The following SGCG variants were observed in gnomAD, a reference collection of about 807,000 sequenced individuals.
SGCG encodes gamma-sarcoglycan.
SGCG carries 26 observed loss-of-function variants against 29.3 expected under a neutral mutation model. That is an observed-to-expected ratio of 0.89 (90% confidence interval 0.65 to 1.23). SGCG has a LOEUF of 1.23. SGCG is among the 50% of genes most tolerant of loss of function. The probability of loss-of-function intolerance (pLI) is 0.00; values close to 1 mark genes in which losing one functional copy is unlikely to be tolerated. For synonymous variants in SGCG, 145 were observed against 129.7 expected, an observed-to-expected ratio of 1.12 and a Z score of -0.80; for missense variants, 353 against 356.0, an observed-to-expected ratio of 0.99 and a Z score of 0.07.
intron 5 of SGCG, among the ~76,000 whole-genome samples, chr13:23,279,819 C>T (rs1421836813): frequency 6.6e-6 from 1 of 151,778 alleles, no homozygotes; most frequent in Non-Finnish European, 1.5e-5. Context: ...CCTTTGCCTC[C>T]TGGGTTCAAG....
At chr13:23,208,569 G>C (rs1878071134) in intron 2 of SGCG, among the ~76,000 whole-genome samples, 1 of 152,050 alleles carries the variant, frequency 6.6e-6, no homozygotes, top group Non-Finnish European at 1.5e-5. Flanking sequence ...TGCCCAGCTG[G>C]GGTTAGAAAG....
At chr13:23,209,089 T>C (rs1878095333) in intron 2 of SGCG, among the ~76,000 whole-genome samples, 1 of 152,086 alleles carries the variant, frequency 6.6e-6, no homozygotes, top group Non-Finnish European at 1.5e-5. Flanking sequence ...TAGTTAAATC[T>C]TGGGGGCACT....
chr13:23,241,144 A>G (rs1433484838), intron 3 of SGCG, among the ~76,000 whole-genome samples: 2 of 113,916 alleles, frequency 1.8e-5, no homozygotes, highest in Admixed American at 9.5e-5. Flanking sequence ...GCGAGACTCC[A>G]TCTCAAAAAA....
intron 2 of SGCG, among the ~76,000 whole-genome samples, chr13:23,223,631 A>C (rs935954016): frequency 6.6e-5 from 10 of 152,198 alleles, no homozygotes; most frequent in Admixed American, 5.9e-4. Flanking sequence ...GAGCATTGAC[A>C]TAGCTTATGG....
chr13:23,307,870 G>A (rs1418516245), intron 6 of SGCG, among the ~76,000 whole-genome samples: 1 of 152,038 alleles, frequency 6.6e-6, no homozygotes, highest in Non-Finnish European at 1.5e-5. Context: ...ATAGACAGTA[G>A]TATCTTTGCA....
At chr13:23,303,691 T>G (rs1034655968) in intron 6 of SGCG, among the ~76,000 whole-genome samples, 5 of 152,266 alleles carry the variant, frequency 3.3e-5, no homozygotes, top group African/African-American at 1.2e-4. Flanking sequence ...GCACCTGATT[T>G]ATTTACAATG....
chr13:23,191,700 G>A (rs1877260549), intron 1 of SGCG, among the ~76,000 whole-genome samples: 1 of 152,158 alleles, frequency 6.6e-6, no homozygotes, highest in East Asian at 1.9e-4. Flanking sequence ...TCAGCTAGTA[G>A]ATTTGAAAAG....
intron 1 of SGCG, among the ~76,000 whole-genome samples, chr13:23,190,797 C>T (rs957925983): frequency 1.3e-5 from 2 of 152,192 alleles, no homozygotes; most frequent in Non-Finnish European, 2.9e-5. Context: ...TTGCAAGCCT[C>T]ATTCACAGCA....
chr13:23,253,270 A>G (rs1010765953), intron 4 of SGCG, among the ~76,000 whole-genome samples: 23 of 152,290 alleles, frequency 1.5e-4, no homozygotes, highest in African/African-American at 5.3e-4. Flanking sequence ...AATAAGTTAC[A>G]CATCAAAATC....
chr13:23,190,348 A>C lies in SGCG; in HGVS notation c.-1+9273A>C, dbSNP rs141230413. Among the ~76,000 whole-genome samples, 221 of 152,288 alleles carry C rather than the reference A, an allele frequency of 1.5e-3. 2 individuals carry two copies. Among genetic ancestry groups the C allele is most frequent in the African/African-American group, 5.2e-3 (215 of 41,548 alleles). Reference sequence around the variant, plus strand: ...GATGTAGTATCATCATATTCTGTAAATATATCATCTTTGAAATATTAAGAT... The same window carrying C: ...GATGTAGTATCATCATATTCTGTAACTATATCATCTTTGAAATATTAAGAT... On this transcript the variant is annotated intron_variant, in intron 1 of 7. Transcript: ENST00000218867.
intron 4 of SGCG, among the ~76,000 whole-genome samples, chr13:23,275,202 A>G (rs1346925394): frequency 6.6e-6 from 1 of 150,418 alleles, no homozygotes. Flanking sequence ...GGGTTTCCAG[A>G]TGGCAGAAGA....
chr13:23,275,942 A>G (rs1881051910), intron 4 of SGCG, among the ~76,000 whole-genome samples: 1 of 152,234 alleles, frequency 6.6e-6, no homozygotes. Context: ...GACACATTGT[A>G]TATAAGGAAG....
upstream of SGCG, among the ~76,000 whole-genome samples, chr13:23,177,061 G>C (rs1167001266): frequency 6.6e-6 from 1 of 152,188 alleles, no homozygotes; most frequent in East Asian, 1.9e-4. Flanking sequence ...AGGAAATCCT[G>C]TCATTTTGAG....
intron 2 of SGCG, among the ~76,000 whole-genome samples, chr13:23,215,850 A>G (rs569636530): frequency 2.6e-5 from 4 of 152,212 alleles, no homozygotes; most frequent in African/African-American, 4.8e-5. Flanking sequence ...AGTAGCCATC[A>G]TCATATAGCA....
chr13:23,256,251 A>G (rs749997337), intron 4 of SGCG, among the ~76,000 whole-genome samples: 37 of 152,228 alleles, frequency 2.4e-4, no homozygotes, highest in Admixed American at 1.8e-3. Flanking sequence ...AAAACTTGCA[A>G]AAGCTCACAT....
At chr13:23,301,082 C>T (rs1882143162) in intron 6 of SGCG, among the ~76,000 whole-genome samples, 2 of 152,112 alleles carry the variant, frequency 1.3e-5, no homozygotes, top group Admixed American at 6.5e-5. Flanking sequence ...CGCCACTGCA[C>T]TCCAGCCTGG....
chr13:23,293,912 A>T (rs767369874), intron 5 of SGCG, among the ~76,000 whole-genome samples: 2 of 152,100 alleles, frequency 1.3e-5, no homozygotes, highest in Non-Finnish European at 1.5e-5. Flanking sequence ...AGAGGCTGGG[A>T]AACCTTTACC....
rs1883110097 is a variant in SGCG, at chr13:23,323,066, G to C, written c.703-1302G>C. On this transcript the variant is annotated intron_variant, in intron 7 of 7. Transcript: ENST00000218867. ...TGTAGTAAAGGTGTAGGTGGATATG[G>C]TGCCATCATCAAGCCAGCTGCGAGA... Among the ~76,000 whole-genome samples the C allele has an allele frequency of 2.0e-5, 3 of 152,214 alleles. 1 individual carries two copies. The South Asian group carries it at 6.2e-4, about 32-fold the overall frequency.
intron 1 of SGCG, among the ~76,000 whole-genome samples, chr13:23,195,757 T>A (rs1375728939): frequency 6.6e-6 from 1 of 152,114 alleles, no homozygotes; most frequent in East Asian, 1.9e-4. Flanking sequence ...TTGATAATTA[T>A]GATCCATCTA....
Sources: gnomAD v4.1 joint callset for allele counts (sites outside exome capture counted in the v4.1 genomes callset) on GRCh38, gnomAD v4.1.1 for gene constraint, MANE v1.5 for transcripts, NCBI Gene and HGNC (gene_info 2026-07-23, HGNC 2026-07-21) for gene names.